The following EIF4G3 variants were observed in gnomAD, a reference collection of about 807,000 sequenced individuals.
The protein encoded by EIF4G3 is eIF-4-gamma 3.
In EIF4G3, 34 loss-of-function variants were observed where a neutral mutation model predicts 186.4. The observed-to-expected ratio is 0.18, with a 90% CI of 0.14 to 0.24. The LOEUF (loss-of-function observed/expected upper bound fraction) is 0.24, where lower values mean the gene tolerates loss of function less well. Among genes scored for constraint, EIF4G3 ranks in the 10% least tolerant of loss-of-function variants. The pLI, the probability that EIF4G3 is intolerant of heterozygous loss-of-function variation, is 1.00. For synonymous variants in EIF4G3, 673 were observed against 679.5 expected, an observed-to-expected ratio of 0.99 and a Z score of 0.15; for missense variants, 1,536 against 1,948.5, an observed-to-expected ratio of 0.79 and a Z score of 3.99.
intron 4 of EIF4G3, among the ~76,000 whole-genome samples, chr1:21,005,704 AC>A (rs2084873179): frequency 6.6e-6 from 1 of 152,146 alleles, no homozygotes; most frequent in African/African-American, 2.4e-5. Flanking sequence ...CAGAAAGAAC[AC>A]CCTTCCTGAT....
rs147459580 is a variant in EIF4G3, at chr1:20,852,780, A to G, written c.3551+780T>C. Among the ~76,000 whole-genome samples, 41 of 152,330 alleles carry G rather than the reference A, an allele frequency of 2.7e-4. No homozygotes were observed. The East Asian group carries it at 7.3e-3, about 27-fold the overall frequency. ...ACAAGTGATACTCAATGACAACCTG[A>G]ATCATCATGAAAAGCTGCCTTGTGC... On this transcript the variant is annotated intron_variant, in intron 27 of 36. Coordinates refer to ENST00000602326, the MANE Select transcript of EIF4G3 (RefSeq NM_001391906.1).
intron 2 of EIF4G3, among the ~76,000 whole-genome samples, chr1:21,091,992 C>CCT (rs2096219669): frequency 6.6e-6 from 1 of 152,142 alleles, no homozygotes; most frequent in Non-Finnish European, 1.5e-5. Context: ...ATTTCTTTCT[C>CCT]CTGCCTGATT....
At chr1:20,860,593 C>G (rs961694308) in intron 23 of EIF4G3, 76 bp from the exon 24 acceptor site, 3 of 1,507,832 alleles carry the variant, frequency 2.0e-6, no homozygotes, top group Non-Finnish European at 2.7e-6. Flanking sequence ...GCAATTTTTA[C>G]TACTGGAAAA....
At chr1:21,111,941 T>G (rs183115394) in intron 2 of EIF4G3, among the ~76,000 whole-genome samples, 1 of 152,348 alleles carries the variant, frequency 6.6e-6, no homozygotes, top group East Asian at 1.9e-4. Flanking sequence ...TCTAGATGAC[T>G]AGTGTCATTA....
chr1:20,981,081 T>G lies in EIF4G3; in HGVS notation c.345A>C (p.Pro115=). The change falls in exon 9 of 37, where the codon CCA becomes CCC. Residue 115 remains proline (P), a synonymous_variant. Coordinates refer to ENST00000602326, the MANE Select transcript of EIF4G3 (RefSeq NM_001391906.1). ...TACAGTACTGAGGCCCCTGGGGCAC[T>G]GGGTACGGCATGGGCAGATGGTTAA... ...MMVNHLPMPY[P]VPQGPQYCIP... is the part of the protein sequence containing the mutation. 1 of 1,612,586 alleles carries G rather than the reference T, an allele frequency of 6.2e-7. No individual in the cohort carries two copies. Among genetic ancestry groups the G allele is most frequent in the Non-Finnish European group, 8.5e-7 (1 of 1,179,124 alleles).
At chr1:20,831,540 CTTTTTTT>C (rs560510994) in intron 30 of EIF4G3, among the ~76,000 whole-genome samples, 60 of 132,242 alleles carry the variant, frequency 4.5e-4, no homozygotes, top group Non-Finnish European at 7.1e-4. Context: ...TTGCATTTTT[CTTTTTTT>C]TTTTTTATGT....
At chr1:20,931,889 C>T (rs2095327809) in intron 14 of EIF4G3, among the ~76,000 whole-genome samples, 1 of 150,988 alleles carries the variant, frequency 6.6e-6, no homozygotes, top group African/African-American at 2.4e-5. Context: ...GGTGCCACTG[C>T]ACTCCAGGCT....
intron 29 of EIF4G3, among the ~76,000 whole-genome samples, chr1:20,848,858 C>A (rs1403831749): frequency 6.6e-6 from 1 of 151,488 alleles, no homozygotes; most frequent in Non-Finnish European, 1.5e-5. Context: ...ACCAGCCTGG[C>A]CAAAATGGTG....
intron 2 of EIF4G3, among the ~76,000 whole-genome samples, chr1:21,094,353 G>C (rs1204299653): frequency 1.3e-5 from 2 of 151,926 alleles, no homozygotes; most frequent in Non-Finnish European, 2.9e-5. Context: ...CAACAGCAAA[G>C]ACTTGGAACC....
chr1:21,070,687 T>C (rs1025570627), intron 3 of EIF4G3, among the ~76,000 whole-genome samples: 1 of 152,162 alleles, frequency 6.6e-6, no homozygotes, highest in Non-Finnish European at 1.5e-5. Context: ...CAAACTACCT[T>C]CTTTTTGCTA....
intron 2 of EIF4G3, among the ~76,000 whole-genome samples, chr1:21,162,814 G>A (rs564986289): frequency 3.3e-5 from 5 of 152,132 alleles, no homozygotes; most frequent in Non-Finnish European, 7.4e-5. Context: ...CCAGGTGGGG[G>A]TATCCATATA....
At chr1:20,852,952 T>G (rs10799670) in intron 27 of EIF4G3, among the ~76,000 whole-genome samples, 2 of 151,720 alleles carry the variant, frequency 1.3e-5, no homozygotes, top group Non-Finnish European at 2.9e-5. Context: ...CTGGGCAACA[T>G]AGCAAGATGC....
intron 3 of EIF4G3, among the ~76,000 whole-genome samples, chr1:21,057,090 G>A (rs571737649): frequency 6.6e-6 from 1 of 152,266 alleles, no homozygotes; most frequent in South Asian, 2.1e-4. Flanking sequence ...AACCACTTTG[G>A]GAAGCAATTT....
intron 2 of EIF4G3, among the ~76,000 whole-genome samples, chr1:21,113,947 T>C (rs1013904115): frequency 5.3e-5 from 8 of 152,042 alleles, no homozygotes; most frequent in South Asian, 2.1e-4. Context: ...GCCCAGGAGG[T>C]TGAGGCTGCA....
At position 20,843,448 on chromosome 1, in the gene EIF4G3, C is replaced by T. The variant is rs550539909; in HGVS notation, c.3889-2420G>A. 2.9e-3 allele frequency among the ~76,000 whole-genome samples: 437 copies of T among 151,990 alleles called. 5 individuals are homozygous for T. Among genetic ancestry groups the T allele is most frequent in the African/African-American group, 0.01 (421 of 41,456 alleles). Reference sequence around the variant, plus strand: ...AGGAAAATCGCTTGAACCCGGGAGGCGGAGGTTGCAGTGAGCTGTAATCAC... The same window carrying T: ...AGGAAAATCGCTTGAACCCGGGAGGTGGAGGTTGCAGTGAGCTGTAATCAC... On this transcript the variant is annotated intron_variant, in intron 29 of 36. Coordinates refer to ENST00000602326, the MANE Select transcript of EIF4G3 (RefSeq NM_001391906.1).
At chr1:21,090,149 C>A (rs1485508919) in intron 2 of EIF4G3, among the ~76,000 whole-genome samples, 1 of 152,084 alleles carries the variant, frequency 6.6e-6, no homozygotes. Context: ...TTAGGAAGTA[C>A]AAGCAAAACT....
intron 3 of EIF4G3, among the ~76,000 whole-genome samples, chr1:21,075,820 A>G (rs1014026025): frequency 6.6e-6 from 1 of 152,146 alleles, no homozygotes; most frequent in African/African-American, 2.4e-5. Context: ...AAGAGCCCCC[A>G]GACATATATA....
intron 20 of EIF4G3, among the ~76,000 whole-genome samples, chr1:20,870,244 A>G (rs376887279): frequency 6.6e-6 from 1 of 151,376 alleles, no homozygotes; most frequent in African/African-American, 2.4e-5. Flanking sequence ...GTCTCTTCCT[A>G]TTCTCAGTCC....
In EIF4G3 at chr1:21,176,266, C is replaced by T; in HGVS notation, c.-363G>A. 2.8e-6 allele frequency: 1 copy of T among 358,492 alleles called. No individual in the cohort carries two copies. 22.2% of individuals were successfully genotyped at this position (358,492 alleles called of 1,614,324 possible). A position where few individuals can be genotyped will look rare whatever the true frequency, so the allele number is the denominator to read the frequency against. On this transcript the variant is annotated 5_prime_UTR_variant, in exon 2 of 37. Coordinates refer to ENST00000602326, the MANE Select transcript of EIF4G3 (RefSeq NM_001391906.1). The stretch of plus-strand genomic sequence containing the variant: ...GCCGCCGCCGCCGCCGCCGCCGCCG[C>T]TGCTGCCGCCGCCGGGTGAGGAGGC...
Sources: allele counts gnomAD v4.1 joint callset (sites outside exome capture counted in the v4.1 genomes callset), GRCh38; gene constraint gnomAD v4.1.1; transcripts MANE v1.5; gene names NCBI Gene and HGNC (gene_info 2026-07-23, HGNC 2026-07-21).